Variants in PTPRK observed in about 807,000 individuals in gnomAD.
The protein encoded by PTPRK is receptor-type tyrosine-protein phosphatase kappa.
A neutral mutation model predicts 178.0 loss-of-function variants in PTPRK; 75 were observed. The observed-to-expected ratio is 0.42, with a 90% confidence interval of 0.35 to 0.51. PTPRK has a LOEUF of 0.51. Ranked by LOEUF, PTPRK falls within the 20% of genes least tolerant of loss-of-function variation. The pLI is 0.02. For missense variants in PTPRK, 1,441 were observed against 1,797.8 expected (o/e 0.80, Z 3.59); for synonymous variants, 637 against 620.6 (o/e 1.03, Z -0.39).
intron 1 of PTPRK, among the ~76,000 whole-genome samples, chr6:128,479,178 A>T (rs576539070): frequency 6.6e-6 from 1 of 152,152 alleles, no homozygotes; most frequent in African/African-American, 2.4e-5. Flanking sequence ...TCAATGGCCC[A>T]GTTCACTAGG....
At chr6:128,458,689 C>T (rs1391827641) in intron 1 of PTPRK, among the ~76,000 whole-genome samples, 1 of 152,126 alleles carries the variant, frequency 6.6e-6, no homozygotes, top group African/African-American at 2.4e-5. Context: ...TGAATTAAGT[C>T]ATGATGTTGT....
At chr6:128,348,057 T>A (rs1024175697) in intron 2 of PTPRK, among the ~76,000 whole-genome samples, 1 of 152,086 alleles carries the variant, frequency 6.6e-6, no homozygotes, top group Non-Finnish European at 1.5e-5. Flanking sequence ...GATCATCTAT[T>A]GTAGCTTTGA....
intron 20 of PTPRK, 151 bp downstream of exon 20, chr6:127,991,143 C>T: frequency 1.7e-6 from 1 of 581,468 alleles, no homozygotes; most frequent in Non-Finnish European, 2.9e-6. Flanking sequence ...ATTTTTCAGC[C>T]AGTCAAGGTC....
chr6:128,343,454 C>T (rs1458591106), intron 2 of PTPRK, among the ~76,000 whole-genome samples: 2 of 148,422 alleles, frequency 1.3e-5, no homozygotes, highest in Non-Finnish European at 3.0e-5. Context: ...GAGCCAAGAT[C>T]GCACCATTGC....
Position 128,520,198 on chromosome 6 carries a change from G to A in PTPRK, c.100+61C>T, listed in dbSNP as rs912054988. On this transcript the variant is annotated intron_variant, in intron 1 of 29. Transcript: ENST00000368226. Reference sequence around the variant, plus strand: ...TGTCCCCAGCCCTAGCGGGGACCTGGCTCACCCCTCGTGAGCCCAGGACTC... The same window carrying A: ...TGTCCCCAGCCCTAGCGGGGACCTGACTCACCCCTCGTGAGCCCAGGACTC... 12 of 1,428,980 alleles carry A rather than the reference G, an allele frequency of 8.4e-6. No homozygotes were observed. The African/African-American group carries it at 1.3e-4, about 15-fold the overall frequency. 88.5% of individuals were successfully genotyped at this position (1,428,980 alleles called of 1,614,324 possible). A position where few individuals can be genotyped will look rare whatever the true frequency, so the allele number is the denominator to read the frequency against.
At chr6:128,249,319 T>A (rs1816059349) in intron 3 of PTPRK, among the ~76,000 whole-genome samples, 1 of 128,624 alleles carries the variant, frequency 7.8e-6, no homozygotes, top group East Asian at 2.1e-4. Context: ...AAAAACAGTA[T>A]TTTTTTTTTA....
chr6:128,483,015 TAATAA>T (rs927172260), intron 1 of PTPRK, among the ~76,000 whole-genome samples: 2 of 152,192 alleles, frequency 1.3e-5, no homozygotes, highest in African/African-American at 4.8e-5. Flanking sequence ...GCATGATTCT[TAATAA>T]AATAAAATTA....
At chr6:128,089,143 T>A (rs1159647545) in intron 8 of PTPRK, among the ~76,000 whole-genome samples, 2 of 152,156 alleles carry the variant, frequency 1.3e-5, no homozygotes, top group African/African-American at 4.8e-5. Context: ...TTGGAATTTT[T>A]AATAGAGACA....
intron 13 of PTPRK, among the ~76,000 whole-genome samples, chr6:128,064,185 C>T (rs1011997157): frequency 6.6e-6 from 1 of 152,120 alleles, no homozygotes; most frequent in Non-Finnish European, 1.5e-5. Context: ...TTTCTCTTGT[C>T]AAAGAAACTA....
chr6:128,037,700 TAA>T (rs1168356641), intron 13 of PTPRK, among the ~76,000 whole-genome samples: 4 of 152,152 alleles, frequency 2.6e-5, no homozygotes, highest in Non-Finnish European at 5.9e-5. Flanking sequence ...ATCATGTCAG[TAA>T]ATAAATTTTG....
chr6:128,486,159 T>TA (rs199533931), intron 1 of PTPRK, among the ~76,000 whole-genome samples: 190 of 152,066 alleles, frequency 1.2e-3, no homozygotes, highest in African/African-American at 3.5e-3. Flanking sequence ...TTTGTTTTTT[T>TA]AAAAAAAACT....
chr6:128,465,482 C>T (rs2128415215), intron 1 of PTPRK, among the ~76,000 whole-genome samples: 1 of 151,922 alleles, frequency 6.6e-6, no homozygotes, highest in East Asian at 1.9e-4. Flanking sequence ...TATTCATATA[C>T]CATGTTTAAA....
intron 2 of PTPRK, among the ~76,000 whole-genome samples, chr6:128,362,806 G>C (rs960193975): frequency 2.0e-5 from 3 of 152,072 alleles, no homozygotes; most frequent in African/African-American, 7.2e-5. Flanking sequence ...ATTCCAAAGA[G>C]AAAAAATTAC....
intron 1 of PTPRK, among the ~76,000 whole-genome samples, chr6:128,445,734 A>T (rs192288499): frequency 1.3e-5 from 2 of 152,116 alleles, no homozygotes; most frequent in African/African-American, 2.4e-5. Flanking sequence ...TTACATTATC[A>T]TTATAGCTGT....
intron 2 of PTPRK, among the ~76,000 whole-genome samples, chr6:128,383,407 C>A (rs1188355706): frequency 3.3e-5 from 5 of 152,102 alleles, no homozygotes; most frequent in Non-Finnish European, 5.9e-5. Flanking sequence ...ATCCTCTTGA[C>A]CAGATCCATC....
intron 3 of PTPRK, among the ~76,000 whole-genome samples, chr6:128,320,195 A>G (rs1188461758): frequency 6.6e-6 from 1 of 152,178 alleles, no homozygotes; most frequent in Non-Finnish European, 1.5e-5. Flanking sequence ...GGGTTTTGTC[A>G]TGCAAAATGA....
At chr6:128,502,270 G>A (rs1340027131) in intron 1 of PTPRK, among the ~76,000 whole-genome samples, 3 of 152,178 alleles carry the variant, frequency 2.0e-5, no homozygotes, top group Non-Finnish European at 4.4e-5. Context: ...TGAGACCAAA[G>A]AGAGTCAATC....
intron 3 of PTPRK, among the ~76,000 whole-genome samples, chr6:128,290,988 T>C (rs1823289536): frequency 6.6e-6 from 1 of 152,044 alleles, no homozygotes; most frequent in African/African-American, 2.4e-5. Flanking sequence ...GTAGACAAAA[T>C]GGCTTCTTGA....
At chr6:128,419,476 A>G (rs979871440) in intron 1 of PTPRK, among the ~76,000 whole-genome samples, 5 of 152,022 alleles carry the variant, frequency 3.3e-5, no homozygotes, top group African/African-American at 1.2e-4. Flanking sequence ...TTAGCCGGGC[A>G]TGGTGGCGGG....
Sources: gnomAD v4.1 joint callset for allele counts (sites outside exome capture counted in the v4.1 genomes callset) on GRCh38, gnomAD v4.1.1 for gene constraint, MANE v1.5 for transcripts, NCBI Gene and HGNC (gene_info 2026-07-23, HGNC 2026-07-21) for gene names.